Variants in MATCAP2 observed in about 807,000 individuals in gnomAD.
MATCAP2 encodes the protein putative tyrosine carboxypeptidase MATCAP2.
chr7:36,326,786 C>CA, the MATCAP2 span: 1 of 1,613,358 alleles, frequency 6.2e-7, no homozygotes, highest in Non-Finnish European at 8.5e-7. Context: ...AGTTCCCTGT[C>CA]AGTCAGTTCA....
chr7:36,384,012 A>G, the MATCAP2 span: 7 of 501,226 alleles, frequency 1.4e-5, no homozygotes, highest in Non-Finnish European at 2.3e-5. Context: ...TTAAATATAA[A>G]TAGTATTTTA....
the MATCAP2 span, among the ~76,000 whole-genome samples, chr7:36,380,576 G>A: frequency 6.6e-6 from 1 of 152,336 alleles, no homozygotes; most frequent in Non-Finnish European, 1.5e-5. Context: ...GGCTGGGAAG[G>A]AGCAAGTGAG....
At chr7:36,367,576 A>G in the MATCAP2 span, among the ~76,000 whole-genome samples, 1 of 152,146 alleles carries the variant, frequency 6.6e-6, no homozygotes, top group African/African-American at 2.4e-5. Context: ...GGAAGCTAAA[A>G]CACGTTTAGG....
chr7:36,347,847 T>C, the MATCAP2 span, among the ~76,000 whole-genome samples: 7 of 152,144 alleles, frequency 4.6e-5, no homozygotes, highest in Admixed American at 2.6e-4. Flanking sequence ...AATCTAAAAC[T>C]TCCCCCCCAA....
chr7:36,332,257 A>G, the MATCAP2 span, among the ~76,000 whole-genome samples: 187 of 152,364 alleles, frequency 1.2e-3, no homozygotes, highest in Non-Finnish European at 2.0e-3. Context: ...AGGCAAAGGA[A>G]TCTAAAAAGA....
At chr7:36,333,181 A>G in the MATCAP2 span, among the ~76,000 whole-genome samples, 1 of 152,222 alleles carries the variant, frequency 6.6e-6, no homozygotes, top group Non-Finnish European at 1.5e-5. Flanking sequence ...GCCTCACAGC[A>G]ATAAAATGAT....
the MATCAP2 span, among the ~76,000 whole-genome samples, chr7:36,373,103 TAA>T: frequency 8.1e-3 from 945 of 116,156 alleles, 10 homozygotes; most frequent in African/African-American, 0.02. Context: ...AGACTTCATC[TAA>T]AAAAAAAAAA....
the MATCAP2 span, among the ~76,000 whole-genome samples, chr7:36,348,312 TGTAGCCACAAACTAATGGGACAGTG>T: frequency 6.6e-6 from 1 of 152,222 alleles, no homozygotes; most frequent in African/African-American, 2.4e-5. Flanking sequence ...TTTAAGGTAT[TGTAGCCACAAACTAATGGGACAGTG>T]GTAGTCACAC....
the MATCAP2 span, among the ~76,000 whole-genome samples, chr7:36,328,768 G>A: frequency 2.0e-5 from 3 of 150,890 alleles, no homozygotes; most frequent in Non-Finnish European, 2.9e-5. Flanking sequence ...ATAAATAGCC[G>A]GGAGCGGTGG....
At chr7:36,384,587 A>G in the MATCAP2 span, among the ~76,000 whole-genome samples, 2 of 152,246 alleles carry the variant, frequency 1.3e-5, no homozygotes, top group African/African-American at 4.8e-5. Context: ...ACATAAACAC[A>G]TAACTAAAAT....
chr7:36,354,327 A>G, the MATCAP2 span, among the ~76,000 whole-genome samples: 1 of 152,258 alleles, frequency 6.6e-6, no homozygotes, highest in African/African-American at 2.4e-5. Flanking sequence ...GAGCATGAGC[A>G]CTGCCTCGGT....
At chr7:36,327,612 C>T in the MATCAP2 span, among the ~76,000 whole-genome samples, 1 of 152,184 alleles carries the variant, frequency 6.6e-6, no homozygotes, top group African/African-American at 2.4e-5. Flanking sequence ...ATATAAATGA[C>T]ATATTATTAA....
the MATCAP2 span, among the ~76,000 whole-genome samples, chr7:36,344,992 T>C: frequency 6.6e-6 from 1 of 152,212 alleles, no homozygotes; most frequent in South Asian, 2.1e-4. Context: ...CCTATCCCTA[T>C]TGTCCAGGTC....
the MATCAP2 span, among the ~76,000 whole-genome samples, chr7:36,381,254 A>C: frequency 1.3e-5 from 2 of 152,274 alleles, no homozygotes; most frequent in East Asian, 1.9e-4. Context: ...TGGGGTTTGA[A>C]ATCTTGGAGT....
chr7:36,340,494 C>A, the MATCAP2 span, among the ~76,000 whole-genome samples: 3 of 152,094 alleles, frequency 2.0e-5, no homozygotes, highest in Non-Finnish European at 4.4e-5. Context: ...ACCACCATAG[C>A]GTCAACACTT....
the MATCAP2 span, chr7:36,357,277 C>T: frequency 6.2e-7 from 1 of 1,614,148 alleles, no homozygotes; most frequent in Non-Finnish European, 8.5e-7. Flanking sequence ...CCAGGCAGTA[C>T]CAAGTACCAC....
the MATCAP2 span, among the ~76,000 whole-genome samples, chr7:36,350,629 G>A: frequency 6.6e-6 from 1 of 151,642 alleles, no homozygotes; most frequent in African/African-American, 2.4e-5. Flanking sequence ...CCACTTCCCA[G>A]GTTCAAGCAA....
chr7:36,348,896 G>C, the MATCAP2 span, among the ~76,000 whole-genome samples: 1 of 152,208 alleles, frequency 6.6e-6, no homozygotes, highest in African/African-American at 2.4e-5. Flanking sequence ...GGGATGGACA[G>C]GCACTGGGAA....
At chr7:36,327,002 G>C in the MATCAP2 span, 2 of 1,202,224 alleles carry the variant, frequency 1.7e-6, no homozygotes, top group Middle Eastern at 2.0e-4. Flanking sequence ...GGCCTTAAAT[G>C]AAAGTATACA....
Sources: gnomAD v4.1 joint callset for allele counts (sites outside exome capture counted in the v4.1 genomes callset) on GRCh38, gnomAD v4.1.1 for gene constraint, MANE v1.5 for transcripts, NCBI Gene and HGNC (gene_info 2026-07-23, HGNC 2026-07-21) for gene names.